Variants in KCNIP4 observed in about 807,000 individuals in gnomAD.
The protein encoded by KCNIP4 is potassium voltage-gated channel interacting protein 4.
Under a neutral mutation model 34.0 loss-of-function variants are expected in KCNIP4, and 12 were observed. That is an observed-to-expected ratio of 0.35 (90% confidence interval 0.23 to 0.57). The LOEUF (loss-of-function observed/expected upper bound fraction) is 0.57. Among genes scored for constraint, KCNIP4 ranks in the 20% least tolerant of loss-of-function variants. The probability of loss-of-function intolerance (pLI) is 0.83; values close to 1 mark genes in which losing one functional copy is unlikely to be tolerated. For missense variants in KCNIP4, 238 were observed against 311.7 expected, an observed-to-expected ratio of 0.76 and a Z score of 1.78; for synonymous variants, 124 against 102.2, an observed-to-expected ratio of 1.21 and a Z score of -1.29.
chr4:21,849,632 C>G (rs915923056), intron 1 of KCNIP4: 2 of 151,890 alleles, frequency 1.3e-5, no homozygotes, highest in Non-Finnish European at 2.9e-5. Context: ...AGTACTTATA[C>G]AAAATGATGG....
At chr4:20,939,236 T>C (rs1731387037) in intron 1 of KCNIP4, among the ~76,000 whole-genome samples, 1 of 152,156 alleles carries the variant, frequency 6.6e-6, no homozygotes, top group Non-Finnish European at 1.5e-5. Context: ...AGCTATTGCT[T>C]CCCAACTCTA....
intron 1 of KCNIP4, among the ~76,000 whole-genome samples, chr4:21,623,283 T>C (rs561158717): frequency 2.6e-5 from 4 of 152,312 alleles, no homozygotes; most frequent in African/African-American, 9.6e-5. Flanking sequence ...ATTTACCAGC[T>C]AGTGACTGGT....
chr4:21,181,225 T>G (rs1412754175), intron 1 of KCNIP4, among the ~76,000 whole-genome samples: 1 of 152,128 alleles, frequency 6.6e-6, no homozygotes, highest in Non-Finnish European at 1.5e-5. Flanking sequence ...GAAACCAAGA[T>G]AGGGTGACAA....
chr4:20,783,890 G>GT (rs1176830103), intron 3 of KCNIP4, among the ~76,000 whole-genome samples: 2 of 152,142 alleles, frequency 1.3e-5, no homozygotes, highest in Non-Finnish European at 2.9e-5. Flanking sequence ...CATCAGCACT[G>GT]TTTTTTGTTT....
chr4:21,086,067 C>T (rs182329204), intron 1 of KCNIP4, among the ~76,000 whole-genome samples: 73 of 152,202 alleles, frequency 4.8e-4, no homozygotes, highest in Admixed American at 7.9e-4. Context: ...AGCCAGGTTC[C>T]GTCATGTAGA....
chr4:21,796,210 C>A (rs1720613527), intron 1 of KCNIP4, among the ~76,000 whole-genome samples: 1 of 152,146 alleles, frequency 6.6e-6, no homozygotes, highest in African/African-American at 2.4e-5. Context: ...GAACTTGGTT[C>A]ATATGGCCTG....
chr4:21,281,301 T>C (rs1762761665), intron 1 of KCNIP4, among the ~76,000 whole-genome samples: 1 of 152,044 alleles, frequency 6.6e-6, no homozygotes, highest in Admixed American at 6.6e-5. Flanking sequence ...TTAGCCAGGT[T>C]GGCCTTGAAC....
At chr4:21,693,898 T>C (rs910508327) in intron 1 of KCNIP4, among the ~76,000 whole-genome samples, 17 of 152,318 alleles carry the variant, frequency 1.1e-4, no homozygotes, top group Middle Eastern at 3.4e-3. Flanking sequence ...TGGACATGCC[T>C]ATAACTTTCA....
At chr4:20,770,572 C>G (rs1206638965) in intron 3 of KCNIP4, among the ~76,000 whole-genome samples, 1 of 152,032 alleles carries the variant, frequency 6.6e-6, no homozygotes, top group East Asian at 1.9e-4. Flanking sequence ...CTCCATATCG[C>G]AGCTGCAGCA....
rs543231961 is a variant in KCNIP4 at position 21,395,356 on chromosome 4, TTC to T, written c.62-512649_62-512648del. Among the ~76,000 whole-genome samples the T allele has an allele frequency of 4.1e-3, 626 of 152,300 alleles. 1 individual carries two copies. Among genetic ancestry groups the T allele is most frequent in the Non-Finnish European group, 6.1e-3 (418 of 68,032 alleles). ...CATTATTATCATACATCTTTTAATC[TTC>T]TGTCTGTTTTCCTAAAAATCTATTT... On this transcript the variant is annotated intron_variant, in intron 1 of 8. Coordinates refer to ENST00000382152, the MANE Select transcript of KCNIP4 (RefSeq NM_025221.6).
At position 21,170,846 on chromosome 4, in the gene KCNIP4, A is replaced by AGTT. The variant is rs1200169120; in HGVS notation, c.62-288140_62-288138dup. On this transcript the variant is annotated intron_variant, in intron 1 of 8. Coordinates refer to ENST00000382152, the MANE Select transcript of KCNIP4 (RefSeq NM_025221.6). Reference sequence around the variant, plus strand: ...AATTTTCCTATTTCATAGATATGGAAGTTTGATTTGTTTTCTAATTTTTCT... The same window carrying AGTT: ...AATTTTCCTATTTCATAGATATGGAAGTTGTTTGATTTGTTTTCTAATTTTTCT... 4.1e-3 allele frequency among the ~76,000 whole-genome samples: 623 copies of AGTT among 152,284 alleles called. 3 individuals are homozygous for AGTT. The highest frequency in any genetic ancestry group is 0.014 in the African/African-American group (584 of 41,564).
chr4:21,300,650 G>A (rs1008614409), intron 1 of KCNIP4, among the ~76,000 whole-genome samples: 1 of 152,060 alleles, frequency 6.6e-6, no homozygotes, highest in Middle Eastern at 3.2e-3. Flanking sequence ...AAATTCTAGA[G>A]CTACAGGAAA....
At chr4:21,053,018 C>T (rs1187987154) in intron 1 of KCNIP4, among the ~76,000 whole-genome samples, 2 of 151,560 alleles carry the variant, frequency 1.3e-5, no homozygotes, top group African/African-American at 4.8e-5. Flanking sequence ...TATACACACA[C>T]ACACACATAC....
chr4:21,504,475 A>AAAAAAAAAAAAAAAAG (rs1264431211), intron 1 of KCNIP4, among the ~76,000 whole-genome samples: 41 of 101,838 alleles, frequency 4.0e-4, no homozygotes, highest in East Asian at 8.4e-4. Flanking sequence ...CAAAAAAAAA[A>AAAAAAAAAAAAAAAAG]AAAGAAAGAA....
At chr4:21,211,651 A>G (rs1757232946) in intron 1 of KCNIP4, among the ~76,000 whole-genome samples, 1 of 152,124 alleles carries the variant, frequency 6.6e-6, no homozygotes, top group Admixed American at 6.6e-5. Flanking sequence ...CATCTAAGAA[A>G]GCAAAGCTGT....
chr4:21,389,741 G>A (rs972716428), intron 1 of KCNIP4, among the ~76,000 whole-genome samples: 6 of 151,940 alleles, frequency 3.9e-5, no homozygotes, highest in Admixed American at 6.6e-5. Flanking sequence ...TTTCTATTGC[G>A]AATAGTGCCA....
intron 1 of KCNIP4, among the ~76,000 whole-genome samples, chr4:21,188,002 C>T (rs1406985263): frequency 2.6e-5 from 4 of 152,126 alleles, no homozygotes; most frequent in Non-Finnish European, 5.9e-5. Context: ...CAATTGCTGC[C>T]AATTCCCAGT....
At chr4:21,035,967 G>A (rs765107650) in intron 1 of KCNIP4, among the ~76,000 whole-genome samples, 2 of 152,152 alleles carry the variant, frequency 1.3e-5, no homozygotes, top group Admixed American at 6.6e-5. Flanking sequence ...CTTGCCTTAA[G>A]TCACAACAAA....
intron 2 of KCNIP4, among the ~76,000 whole-genome samples, chr4:20,872,458 C>G (rs1277287549): frequency 1.3e-5 from 2 of 151,966 alleles, no homozygotes; most frequent in Non-Finnish European, 1.5e-5. Context: ...AAACTTGAAC[C>G]CTGCAATCTA....
Sources: allele counts gnomAD v4.1 joint callset (sites outside exome capture counted in the v4.1 genomes callset), GRCh38; gene constraint gnomAD v4.1.1; transcripts MANE v1.5; gene names NCBI Gene and HGNC (gene_info 2026-07-23, HGNC 2026-07-21).